The following RABGAP1L variants were observed in gnomAD, a reference collection of about 807,000 sequenced individuals.
RABGAP1L encodes RAB GTPase activating protein 1 like.
RABGAP1L carries 63 observed loss-of-function variants against 137.7 expected under a neutral mutation model. That is an observed-to-expected ratio of 0.46 (90% CI 0.37 to 0.56). RABGAP1L has a LOEUF of 0.56. Ranked by LOEUF, RABGAP1L falls within the 20% of genes least tolerant of loss-of-function variation. RABGAP1L has a pLI of 0.00. For synonymous variants in RABGAP1L, 431 were observed against 433.7 expected (o/e 0.99, Z 0.08); for missense variants, 1,095 against 1,244.0 (o/e 0.88, Z 1.80).
chr1:174,583,353 C>G (rs1430880749), intron 13 of RABGAP1L, among the ~76,000 whole-genome samples: 4 of 152,068 alleles, frequency 2.6e-5, no homozygotes, highest in Non-Finnish European at 1.5e-5. Context: ...CCATCTGCAT[C>G]TCCTAGGAAG....
chr1:174,181,767 TCA>T (rs1239467823), intron 1 of RABGAP1L, among the ~76,000 whole-genome samples: 3 of 152,076 alleles, frequency 2.0e-5, no homozygotes, highest in Non-Finnish European at 2.9e-5. Context: ...GTGTGTAAGG[TCA>T]CTATTCCTGA....
At chr1:174,318,764 T>C (rs996377984) in intron 11 of RABGAP1L, among the ~76,000 whole-genome samples, 2 of 151,982 alleles carry the variant, frequency 1.3e-5, no homozygotes, top group African/African-American at 4.8e-5. Flanking sequence ...GCTATACTTT[T>C]GCATTGTGAT....
intron 13 of RABGAP1L, among the ~76,000 whole-genome samples, chr1:174,541,743 T>C (rs1665460966): frequency 6.6e-6 from 1 of 151,978 alleles, no homozygotes; most frequent in South Asian, 2.1e-4. Context: ...GCCACTGCAC[T>C]CCAGCCTGGG....
intron 7 of RABGAP1L, among the ~76,000 whole-genome samples, chr1:174,270,429 A>G (rs561776048): frequency 6.6e-6 from 1 of 152,236 alleles, no homozygotes; most frequent in African/African-American, 2.4e-5. Flanking sequence ...GCCATCAGAG[A>G]TTACAAAAGG....
chr1:174,355,994 A>T (rs1683602596), intron 11 of RABGAP1L, among the ~76,000 whole-genome samples: 1 of 152,198 alleles, frequency 6.6e-6, no homozygotes, highest in Non-Finnish European at 1.5e-5. Flanking sequence ...TCTGTAGAAC[A>T]AGTATAGTAT....
chr1:174,946,944 G>T (rs376402980), intron 19 of RABGAP1L, among the ~76,000 whole-genome samples: 1 of 53,362 alleles, frequency 1.9e-5, no homozygotes, highest in Non-Finnish European at 3.6e-5. Context: ...ATATATATGT[G>T]TGTGTGTGTG....
chr1:174,775,554 C>T (rs914818802), intron 18 of RABGAP1L, among the ~76,000 whole-genome samples: 3 of 152,106 alleles, frequency 2.0e-5, no homozygotes, highest in Admixed American at 1.3e-4. Flanking sequence ...CTCAGGAGAT[C>T]CGCCCACCTT....
intron 17 of RABGAP1L, among the ~76,000 whole-genome samples, chr1:174,732,958 C>T (rs1040196280): frequency 5.3e-5 from 8 of 151,316 alleles, no homozygotes; most frequent in African/African-American, 2.0e-4. Flanking sequence ...GTGTCAGACA[C>T]TTTTCTAAGT....
chr1:174,564,257 T>G (rs1667420514), intron 13 of RABGAP1L, among the ~76,000 whole-genome samples: 1 of 152,132 alleles, frequency 6.6e-6, no homozygotes. Flanking sequence ...AAGATAAAAT[T>G]TTTATTCCCA....
chr1:174,490,349 G>T (rs968241616), intron 13 of RABGAP1L, among the ~76,000 whole-genome samples: 2 of 152,160 alleles, frequency 1.3e-5, no homozygotes, highest in African/African-American at 4.8e-5. Context: ...TGCCGCCTTC[G>T]TGGTCTTAGA....
At position 174,488,640 on chromosome 1, in the gene RABGAP1L, T is replaced by C. The variant is rs368173022; in HGVS notation, c.1710+94495T>C. On this transcript the variant is annotated intron_variant, in intron 13 of 25. Transcript: ENST00000681986. ...TTCTAACCTTATCTCATTCTCTACA[T>C]TTTTTTAAGGCCAATAACTCTTAGC... Among the ~76,000 whole-genome samples the C allele has an allele frequency of 7.9e-5, 12 of 152,212 alleles. No individual in the cohort carries two copies. In the East Asian group the frequency reaches 1.4e-3, roughly 17 times the overall value.
chr1:174,776,883 G>C (rs1686568661), intron 18 of RABGAP1L, among the ~76,000 whole-genome samples: 1 of 152,162 alleles, frequency 6.6e-6, no homozygotes, highest in Non-Finnish European at 1.5e-5. Flanking sequence ...CAAGTAGTTT[G>C]ATTTTCTAAT....
intron 13 of RABGAP1L, among the ~76,000 whole-genome samples, chr1:174,524,650 T>C (rs558778807): frequency 5.3e-5 from 8 of 152,230 alleles, no homozygotes; most frequent in Non-Finnish European, 8.8e-5. Context: ...TAGTTTAATA[T>C]AGTCCCCTTG....
At position 174,293,111 on chromosome 1, in the gene RABGAP1L, A is replaced by AT. The variant is rs60138785; in HGVS notation, c.1324-11864dup. Among the ~76,000 whole-genome samples the AT allele has an allele frequency of 7.8e-4, 117 of 149,360 alleles. No individual in the cohort carries two copies. In the East Asian group the frequency reaches 0.013, roughly 17 times the overall value. On this transcript the variant is annotated intron_variant, in intron 10 of 25. Transcript: ENST00000681986. ...ATGATAATCTAACACTAAAATTAGG[A>AT]TTTTTTTTTTTCCTGAAAACTTTTT...
intron 14 of RABGAP1L, among the ~76,000 whole-genome samples, chr1:174,638,295 G>A (rs879578193): frequency 2.0e-5 from 3 of 152,180 alleles, no homozygotes; most frequent in Non-Finnish European, 4.4e-5. Context: ...GCAAATATTA[G>A]CCAGTGTGGA....
At chr1:174,654,756 C>T (rs1162882899) in intron 14 of RABGAP1L, among the ~76,000 whole-genome samples, 1 of 152,006 alleles carries the variant, frequency 6.6e-6, no homozygotes, top group African/African-American at 2.4e-5. Context: ...AGGAAACTTA[C>T]ATATAGGAAT....
chr1:174,802,500 G>A (rs958786134), intron 18 of RABGAP1L, among the ~76,000 whole-genome samples: 6 of 152,204 alleles, frequency 3.9e-5, no homozygotes, highest in African/African-American at 1.2e-4. Context: ...CCAGTTATTT[G>A]GGAGGCTGAG....
intron 13 of RABGAP1L, among the ~76,000 whole-genome samples, chr1:174,456,719 C>T (rs1447774167): frequency 1.3e-5 from 2 of 152,012 alleles, no homozygotes; most frequent in African/African-American, 4.8e-5. Context: ...TTGTAAGTGT[C>T]CTTAGAGGAA....
At chr1:174,398,795 A>G (rs1648194488) in intron 13 of RABGAP1L, among the ~76,000 whole-genome samples, 1 of 152,200 alleles carries the variant, frequency 6.6e-6, no homozygotes, top group African/African-American at 2.4e-5. Flanking sequence ...GGTATTGAGT[A>G]GAAAACTACC....
Sources: allele counts gnomAD v4.1 joint callset (sites outside exome capture counted in the v4.1 genomes callset), GRCh38; gene constraint gnomAD v4.1.1; transcripts MANE v1.5; gene names NCBI Gene and HGNC (gene_info 2026-07-23, HGNC 2026-07-21).